Variants in CA10 observed in about 807,000 individuals in gnomAD.
CA10 encodes the protein carbonic anhydrase 10 (inactive), also known as carbonic anhydrase-related protein 10.
A neutral mutation model predicts 44.2 loss-of-function variants in CA10; 14 were observed. That is an observed-to-expected ratio of 0.32 (90% CI 0.21 to 0.50). The LOEUF is 0.50. Ranked by LOEUF, CA10 falls within the 20% of genes least tolerant of loss-of-function variation. CA10 has a pLI of 0.99. For synonymous variants in CA10, 159 were observed against 141.6 expected (o/e 1.12, Z -0.87); for missense variants, 350 against 409.7 (o/e 0.85, Z 1.26).
intron 2 of CA10, among the ~76,000 whole-genome samples, chr17:51,958,775 A>G (rs569836994): frequency 6.6e-6 from 1 of 152,304 alleles, no homozygotes; most frequent in South Asian, 2.1e-4. Context: ...AAACAAACAG[A>G]TAAGCAAAAA....
In CA10 at chr17:51,904,199, TA is replaced by T. The variant is rs35503521; in HGVS notation, c.279+26790del. On this transcript the variant is annotated intron_variant, in intron 3 of 8. Coordinates refer to ENST00000451037, the MANE Select transcript of CA10 (RefSeq NM_020178.5). Reference sequence around the variant, plus strand: ...CTTGATGTATGTAATGTATGGCTCTTAAAAAAAAAAAACTCTTATTATATTC... The same window carrying T: ...CTTGATGTATGTAATGTATGGCTCTTAAAAAAAAAAACTCTTATTATATTC... Among the ~76,000 whole-genome samples the T allele has an allele frequency of 5.6e-3, 807 of 145,268 alleles. 2 individuals are homozygous for T. Among genetic ancestry groups the T allele is most frequent in the Non-Finnish European group, 8.2e-3 (537 of 65,734 alleles).
intron 3 of CA10, among the ~76,000 whole-genome samples, chr17:51,849,912 A>G (rs1379248600): frequency 2.6e-5 from 4 of 152,186 alleles, no homozygotes; most frequent in Non-Finnish European, 5.9e-5. Flanking sequence ...GAATAATTCA[A>G]GTCCATTTCC....
chr17:51,842,297 G>T (rs1342718129), intron 3 of CA10, among the ~76,000 whole-genome samples: 1 of 152,072 alleles, frequency 6.6e-6, no homozygotes, highest in Non-Finnish European at 1.5e-5. Flanking sequence ...GTTAGAATAG[G>T]ATCAGGCTCA....
At chr17:51,793,910 T>C (rs1287016492) in intron 3 of CA10, among the ~76,000 whole-genome samples, 3 of 152,232 alleles carry the variant, frequency 2.0e-5, no homozygotes, top group Non-Finnish European at 4.4e-5. Flanking sequence ...ATTCTGGACA[T>C]CCAATGCAGT....
intron 3 of CA10, among the ~76,000 whole-genome samples, chr17:51,767,662 A>G (rs949337112): frequency 6.6e-6 from 1 of 151,818 alleles, no homozygotes; most frequent in African/African-American, 2.4e-5. Context: ...TTATTATTAC[A>G]TTGTAACATA....
chr17:52,078,425 C>A (rs1445861468), intron 1 of CA10, among the ~76,000 whole-genome samples: 1 of 152,180 alleles, frequency 6.6e-6, no homozygotes, highest in Non-Finnish European at 1.5e-5. Context: ...ACAATTATAC[C>A]TGTGCCAAGT....
intron 1 of CA10, among the ~76,000 whole-genome samples, chr17:52,096,217 TATCTCATTGCTCTCC>T (rs1988397661): frequency 6.6e-6 from 1 of 152,158 alleles, no homozygotes; most frequent in Non-Finnish European, 1.5e-5. Context: ...ACAGCTTGAT[TATCTCATTGCTCTCC>T]ATCTGTTGCT....
intron 3 of CA10, among the ~76,000 whole-genome samples, chr17:51,831,595 T>A (rs1908242029): frequency 6.6e-6 from 1 of 151,828 alleles, no homozygotes; most frequent in Non-Finnish European, 1.5e-5. Flanking sequence ...TCAATTTATT[T>A]TTCCAAGAAG....
At chr17:51,840,337 A>G (rs1978309163) in intron 3 of CA10, among the ~76,000 whole-genome samples, 2 of 152,210 alleles carry the variant, frequency 1.3e-5, no homozygotes, top group East Asian at 1.9e-4. Context: ...AAACTGGATA[A>G]TTGACATGCA....
chr17:51,905,388 T>A (rs1317474097), intron 3 of CA10, among the ~76,000 whole-genome samples: 1 of 152,152 alleles, frequency 6.6e-6, no homozygotes, highest in Non-Finnish European at 1.5e-5. Flanking sequence ...TCTTGACTGT[T>A]GGTTAAGTTG....
intron 2 of CA10, among the ~76,000 whole-genome samples, chr17:51,957,182 T>TG (rs1208970350): frequency 1.3e-5 from 2 of 152,184 alleles, no homozygotes; most frequent in Non-Finnish European, 2.9e-5. Context: ...AAGTAGAACT[T>TG]GGATTTATTT....
intron 3 of CA10, among the ~76,000 whole-genome samples, chr17:51,824,800 A>G (rs987294939): frequency 2.0e-5 from 3 of 152,190 alleles, no homozygotes; most frequent in African/African-American, 7.2e-5. Flanking sequence ...TGTGTGTTTT[A>G]TCTATATTCT....
chr17:51,844,217 C>T (rs1206174300), intron 3 of CA10, among the ~76,000 whole-genome samples: 1 of 151,868 alleles, frequency 6.6e-6, no homozygotes, highest in African/African-American at 2.4e-5. Context: ...GAAGAGAATG[C>T]CATGAATCCC....
chr17:51,973,075 C>A (rs1029957111), intron 2 of CA10, among the ~76,000 whole-genome samples: 4 of 152,168 alleles, frequency 2.6e-5, no homozygotes, highest in Non-Finnish European at 5.9e-5. Context: ...TAATTAGCAT[C>A]ACCAATTTCA....
intron 6 of CA10, among the ~76,000 whole-genome samples, chr17:51,644,550 CAT>C (rs1386585357): frequency 2.0e-5 from 3 of 152,116 alleles, no homozygotes; most frequent in Non-Finnish European, 2.9e-5. Flanking sequence ...AATCCAGACT[CAT>C]ATATCCAACT....
intron 1 of CA10, among the ~76,000 whole-genome samples, chr17:52,121,951 A>C (rs189151416): frequency 6.6e-6 from 1 of 152,332 alleles, no homozygotes; most frequent in Non-Finnish European, 1.5e-5. Context: ...AGCAATTATT[A>C]TCCTAGCACC....
At chr17:52,028,390 A>C (rs943569631) in intron 2 of CA10, among the ~76,000 whole-genome samples, 1 of 152,242 alleles carries the variant, frequency 6.6e-6, no homozygotes, top group Non-Finnish European at 1.5e-5. Context: ...GCTATCTTTC[A>C]CAAAACTATT....
chr17:51,648,878 T>G (rs994365960), intron 6 of CA10, among the ~76,000 whole-genome samples: 2 of 152,162 alleles, frequency 1.3e-5, no homozygotes, highest in Non-Finnish European at 2.9e-5. Flanking sequence ...TGTGACCAGC[T>G]GACACGGTGG....
At chr17:51,954,938 A>T (rs550475975) in intron 2 of CA10, among the ~76,000 whole-genome samples, 1 of 152,266 alleles carries the variant, frequency 6.6e-6, no homozygotes, top group South Asian at 2.1e-4. Flanking sequence ...AGTCTGTGTA[A>T]CAGATAATGT....
Sources: allele counts gnomAD v4.1 joint callset (sites outside exome capture counted in the v4.1 genomes callset), GRCh38; gene constraint gnomAD v4.1.1; transcripts MANE v1.5; gene names NCBI Gene and HGNC (gene_info 2026-07-23, HGNC 2026-07-21).